The following LARGE1 variants were observed in gnomAD, a reference collection of about 807,000 sequenced individuals.
LARGE1 encodes xylosyl- and glucuronyltransferase LARGE1.
Under a neutral mutation model 87.6 loss-of-function variants are expected in LARGE1, and 43 were observed. That is an observed-to-expected ratio of 0.49 (90% CI 0.38 to 0.63). The LOEUF (loss-of-function observed/expected upper bound fraction) is 0.63, where lower values mean the gene tolerates loss of function less well. Ranked by LOEUF, LARGE1 falls within the 30% of genes least tolerant of loss-of-function variation. LARGE1 has a pLI of 0.00. For synonymous variants in LARGE1, 434 were observed against 394.6 expected (o/e 1.10, Z -1.18); for missense variants, 802 against 1,000.2 (o/e 0.80, Z 2.67).
At chr22:33,331,993 C>T (rs1162355699) in intron 10 of LARGE1, among the ~76,000 whole-genome samples, 1 of 152,152 alleles carries the variant, frequency 6.6e-6, no homozygotes, top group Non-Finnish European at 1.5e-5. Flanking sequence ...AACCGCACTA[C>T]TTAATAATCC....
intron 5 of LARGE1, chr22:33,572,010 G>A (rs958729964): frequency 3.5e-5 from 12 of 339,764 alleles, no homozygotes; most frequent in Non-Finnish European, 5.3e-5. Flanking sequence ...ATCTCTCCAG[G>A]CCTTAATTTT....
At chr22:33,887,105 G>A (rs1395915501) in intron 1 of LARGE1, among the ~76,000 whole-genome samples, 1 of 152,144 alleles carries the variant, frequency 6.6e-6, no homozygotes, top group African/African-American at 2.4e-5. Flanking sequence ...AATTCCAAGT[G>A]AAAAGAACAG....
chr22:33,636,822 A>G (rs532136990), intron 3 of LARGE1, among the ~76,000 whole-genome samples: 1 of 152,236 alleles, frequency 6.6e-6, no homozygotes, highest in African/African-American at 2.4e-5. Context: ...ATGAGCCACC[A>G]TGCCCAGCCC....
chr22:33,332,636 C>T (rs1008955961), intron 10 of LARGE1, among the ~76,000 whole-genome samples: 2 of 152,190 alleles, frequency 1.3e-5, no homozygotes, highest in African/African-American at 4.8e-5. Context: ...GACCTCTTCC[C>T]ACAGAGCTGG....
intron 10 of LARGE1, among the ~76,000 whole-genome samples, chr22:33,324,264 A>AT (rs1169599576): frequency 1.5e-5 from 2 of 136,788 alleles, no homozygotes; most frequent in Non-Finnish European, 3.1e-5. Context: ...AAAAAGCCAA[A>AT]AAAACAAAAA....
At chr22:33,782,939 C>T (rs1450715680) in intron 1 of LARGE1, among the ~76,000 whole-genome samples, 3 of 151,004 alleles carry the variant, frequency 2.0e-5, no homozygotes, top group Non-Finnish European at 4.4e-5. Context: ...ACTCATCACA[C>T]CCTTATTTTT....
chr22:33,104,236 T>C, the LARGE1 span, among the ~76,000 whole-genome samples: 1 of 152,010 alleles, frequency 6.6e-6, no homozygotes, highest in Admixed American at 6.6e-5. Flanking sequence ...TAAGTGGGAG[T>C]TGCTTTGGAC....
At chr22:33,376,125 ACTGC>A (rs1331707572) in intron 9 of LARGE1, among the ~76,000 whole-genome samples, 2 of 152,154 alleles carry the variant, frequency 1.3e-5, no homozygotes, top group African/African-American at 2.4e-5. Context: ...AGAAACACTC[ACTGC>A]ATGCCCATCA....
chr22:33,499,496 C>G (rs1296073920), intron 6 of LARGE1, among the ~76,000 whole-genome samples: 4 of 152,156 alleles, frequency 2.6e-5, no homozygotes, highest in Non-Finnish European at 5.9e-5. Context: ...GCCTGCAGCC[C>G]CAGGGGCAGA....
At chr22:33,888,665 G>GGGTT (rs1338032866) in intron 1 of LARGE1, among the ~76,000 whole-genome samples, 2 of 152,098 alleles carry the variant, frequency 1.3e-5, no homozygotes, top group Admixed American at 6.5e-5. Flanking sequence ...AAACCAGCCT[G>GGGTT]GGCAACATGG....
chr22:33,719,535 T>A (rs201719903), intron 2 of LARGE1, among the ~76,000 whole-genome samples: 17 of 101,926 alleles, frequency 1.7e-4, no homozygotes, highest in South Asian at 2.7e-4. Context: ...TTATTTATTT[T>A]TTTGAGACAG....
At chr22:33,548,604 A>G (rs1547069) in intron 6 of LARGE1, among the ~76,000 whole-genome samples, 72,631 of 151,710 alleles carry the variant, frequency 0.48, 17,762 homozygotes, top group Admixed American at 0.56. Context: ...TAGGAGAGAT[A>G]GGGTTTCTCC....
intron 1 of LARGE1, among the ~76,000 whole-genome samples, chr22:33,779,568 T>C (rs903511882): frequency 5.9e-5 from 9 of 151,776 alleles, no homozygotes; most frequent in African/African-American, 1.7e-4. Context: ...TCACCAGAGG[T>C]CAAGAGTTGG....
rs35976426 is a variant in LARGE1 at position 33,441,071 on chromosome 22, C to CTTTTTTTTTTTTTTTTTTTTT, written c.788-8807_788-8806insAAAAAAAAAAAAAAAAAAAAA. Among the ~76,000 whole-genome samples, 49 of 98,510 alleles carry CTTTTTTTTTTTTTTTTTTTTT rather than the reference C, an allele frequency of 5.0e-4. 8 individuals carry two copies. Among genetic ancestry groups the CTTTTTTTTTTTTTTTTTTTTT allele is most frequent in the African/African-American group, 2.3e-3 (46 of 20,382 alleles). The allele number at this position is 98,510 out of a possible 152,430, so 64.6% of individuals were successfully genotyped here. On this transcript the variant is annotated intron_variant, in intron 6 of 14. Transcript: ENST00000397394. Reference sequence around the variant, plus strand: ...CTCAGCTGCTGCTATTTTGTTTGAACTTTTTTTTTTTTTTTTTTTTGAGAG... The same window carrying CTTTTTTTTTTTTTTTTTTTTT: ...CTCAGCTGCTGCTATTTTGTTTGAACTTTTTTTTTTTTTTTTTTTTTTTTTTTTTTTTTTTTTTTTTGAGAG...
chr22:33,876,820 TA>T (rs915851434), intron 1 of LARGE1, among the ~76,000 whole-genome samples: 5 of 138,070 alleles, frequency 3.6e-5, no homozygotes, highest in Non-Finnish European at 6.3e-5. Flanking sequence ...TAAAACAACA[TA>T]AAAAAATAAA....
At chr22:33,115,769 A>G in the LARGE1 span, among the ~76,000 whole-genome samples, 1 of 141,826 alleles carries the variant, frequency 7.1e-6, no homozygotes, top group African/African-American at 2.6e-5. Flanking sequence ...GTGAGCCAAC[A>G]TTGCACCACT....
At chr22:33,416,523 T>A (rs1183156943) in intron 7 of LARGE1, among the ~76,000 whole-genome samples, 1 of 152,102 alleles carries the variant, frequency 6.6e-6, no homozygotes, top group African/African-American at 2.4e-5. Flanking sequence ...TTTGGCTCTA[T>A]GTGGGTCATC....
intron 10 of LARGE1, among the ~76,000 whole-genome samples, chr22:33,330,347 G>C (rs923861907): frequency 6.6e-6 from 1 of 152,054 alleles, no homozygotes; most frequent in Non-Finnish European, 1.5e-5. Flanking sequence ...TTTAGGGACT[G>C]GGTTTTACTC....
chr22:33,190,610 T>C (rs556628671), intron 11 of LARGE1, among the ~76,000 whole-genome samples: 1 of 152,262 alleles, frequency 6.6e-6, no homozygotes, highest in South Asian at 2.1e-4. Flanking sequence ...CTGAGTATTA[T>C]AAAGGGCTTC....
Sources: gnomAD v4.1 joint callset for allele counts (sites outside exome capture counted in the v4.1 genomes callset) on GRCh38, gnomAD v4.1.1 for gene constraint, MANE v1.5 for transcripts, NCBI Gene and HGNC (gene_info 2026-07-23, HGNC 2026-07-21) for gene names.